TPD52L2: variants seen among roughly 807,000 people sequenced by gnomAD.
The protein encoded by TPD52L2 is TPD52 like 2, also known as tumor protein D54.
In TPD52L2, 19 loss-of-function variants were observed where a neutral mutation model predicts 24.7. The ratio of observed to expected loss-of-function variants is 0.77; its 90% CI spans 0.54 to 1.13. The LOEUF is 1.13. Among genes scored for constraint, TPD52L2 ranks in the 50% most tolerant of loss-of-function variants. The pLI, the probability that TPD52L2 is intolerant of heterozygous loss-of-function variation, is 0.00. For synonymous variants in TPD52L2, 104 were observed against 100.2 expected (o/e 1.04, Z -0.23); for missense variants, 236 against 250.4 (o/e 0.94, Z 0.39).
intron 5 of TPD52L2, among the ~76,000 whole-genome samples, chr20:63,886,327 G>A (rs2053098402): frequency 6.6e-6 from 1 of 151,790 alleles, no homozygotes; most frequent in African/African-American, 2.4e-5. Flanking sequence ...TGAATAACTG[G>A]CCTGGCGTCC....
intron 4 of TPD52L2, among the ~76,000 whole-genome samples, chr20:63,882,306 C>T (rs1013029233): frequency 2.0e-5 from 3 of 152,270 alleles, no homozygotes; most frequent in Non-Finnish European, 2.9e-5. Flanking sequence ...GCCTGCCAGG[C>T]GTGCACCTCA....
At chr20:63,888,995 T>C in intron 5 of TPD52L2, 195 bp from the exon 6 acceptor site, 1 of 619,992 alleles carries the variant, frequency 1.6e-6, no homozygotes, top group Non-Finnish European at 2.9e-6. Flanking sequence ...CCTGTGGTTG[T>C]TGGGCATGGC....
rs1284991067 is a variant in TPD52L2 at position 63,877,171 on chromosome 20, G to A, written c.374+1296G>A. ...CTCCCCAGTAGCTGGGACTACAGGC[G>A]CCCGCCACCACGCCCGGCTAATTTT... On this transcript the variant is annotated intron_variant, in intron 4 of 6. Coordinates refer to ENST00000346249, the MANE Select transcript of TPD52L2 (RefSeq NM_003288.4). The surrounding 1 kb of genome is among the most constrained non-coding windows in gnomAD (Gnocchi z 4.1). 1 of 350,014 alleles carries A rather than the reference G, an allele frequency of 2.9e-6. No individual in the cohort carries two copies. Among genetic ancestry groups the A allele is most frequent in the Admixed American group, 4.0e-5 (1 of 25,036 alleles). 21.7% of individuals were successfully genotyped at this position (350,014 alleles called of 1,614,324 possible).
At chr20:63,886,060 C>T (rs1481816415) in intron 5 of TPD52L2, 11 of 1,613,796 alleles carry the variant, frequency 6.8e-6, no homozygotes, top group Non-Finnish European at 9.3e-6. Flanking sequence ...TGAGCCTGGA[C>T]ACACCTGTGG....
chr20:63,872,042 CTTTTTTTTTTTT>C (rs34989051), intron 2 of TPD52L2, among the ~76,000 whole-genome samples: 2 of 106,928 alleles, frequency 1.9e-5, no homozygotes, highest in East Asian at 2.5e-4. Context: ...AGGTCATGTT[CTTTTTTTTTTTT>C]TTTTTTTTTA....
Position 63,891,192 on chromosome 20 carries a change from T to G in TPD52L2, c.*1247T>G, listed in dbSNP as rs1375343250. 1 of 152,836 alleles carries G rather than the reference T, an allele frequency of 6.5e-6. No homozygotes were observed. Among genetic ancestry groups the G allele is most frequent in the Non-Finnish European group, 1.5e-5 (1 of 68,098 alleles). 9.5% of individuals were successfully genotyped at this position (152,836 alleles called of 1,614,324 possible). On this transcript the variant is annotated 3_prime_UTR_variant, in exon 7 of 7. Coordinates refer to ENST00000346249, the MANE Select transcript of TPD52L2 (RefSeq NM_003288.4). The surrounding 1 kb of genome is among the most constrained non-coding windows in gnomAD (Gnocchi z 4.7). ...TGGTCTGCAGGGGGAGCTCTGTGCC[T>G]TAGTGGCTCTTGGCAGGACACTGAG...
intron 1 of TPD52L2, among the ~76,000 whole-genome samples, chr20:63,868,778 T>G (rs1371495289): frequency 1.3e-5 from 2 of 152,338 alleles, no homozygotes; most frequent in East Asian, 3.9e-4. Context: ...ACCCCGTCTC[T>G]ACTGAAAATA....
Position 63,882,725 on chromosome 20 carries a change from G to T in TPD52L2, c.381G>T (p.Lys127Asn), listed in dbSNP as rs1477855484. 6.2e-7 allele frequency: 1 copy of T among 1,613,990 alleles called. No individual in the cohort carries two copies. ...NEKVTQSDLYKKTQETLSQAG... is the reference protein window; with the variant it reads ...NEKVTQSDLYNKTQETLSQAG... ...TAACTGGTGTGTCTTCCAGCTACAA[G>T]AAGACTCAGGAAACTCTTTCACAGG... Residue 127 changes from lysine (K) to asparagine (N), a missense_variant, in exon 5 of 7, where the codon AAG becomes AAT. Coordinates refer to ENST00000346249, the MANE Select transcript of TPD52L2 (RefSeq NM_003288.4).
chr20:63,886,507 G>A lies in TPD52L2; in HGVS notation c.477-2683G>A, dbSNP rs549807632. ...TCTCCGAGTAGCTGGGACTACAGGC[G>A]CCCGCCGCCACGCCCGGCTAATTTT... On this transcript the variant is annotated intron_variant, in intron 5 of 6. Transcript: ENST00000346249. Among the ~76,000 whole-genome samples the A allele has an allele frequency of 3.3e-4, 50 of 151,730 alleles. 1 individual carries two copies. Among genetic ancestry groups the A allele is most frequent in the East Asian group, 2.3e-3 (12 of 5,134 alleles).
intron 4 of TPD52L2, among the ~76,000 whole-genome samples, chr20:63,878,085 A>G (rs2052759435): frequency 6.6e-6 from 1 of 152,238 alleles, no homozygotes; most frequent in South Asian, 2.1e-4. Flanking sequence ...TCTCCTAGTC[A>G]GCTTCAGGAG....
At chr20:63,870,700 G>A (rs2052429558) in intron 2 of TPD52L2, among the ~76,000 whole-genome samples, 2 of 143,574 alleles carry the variant, frequency 1.4e-5, no homozygotes, top group African/African-American at 5.2e-5. Flanking sequence ...ATTTTTTTGT[G>A]TTTTTAGTCG....
chr20:63,889,630 C>T (rs1299966414), intron 6 of TPD52L2, among the ~76,000 whole-genome samples: 1 of 152,182 alleles, frequency 6.6e-6, no homozygotes, highest in Non-Finnish European at 1.5e-5. Context: ...GTAAATGGAA[C>T]GATACAGTGT....
chr20:63,867,768 TTTTTTC>T (rs1003672387), intron 1 of TPD52L2, among the ~76,000 whole-genome samples: 134 of 151,586 alleles, frequency 8.8e-4, no homozygotes, highest in African/African-American at 3.1e-3. Flanking sequence ...GGCATAGTTT[TTTTTTC>T]TTTTTCTTTT....
At chr20:63,875,744 C>A in intron 3 of TPD52L2, 72 bp from the exon 4 acceptor site, 1 of 1,509,446 alleles carries the variant, frequency 6.6e-7, no homozygotes, top group Non-Finnish European at 9.2e-7. Flanking sequence ...TTCCCTGGAA[C>A]TTCACCTGCA....
intron 5 of TPD52L2, among the ~76,000 whole-genome samples, chr20:63,886,455 G>A (rs552117647): frequency 1.3e-5 from 2 of 151,384 alleles, no homozygotes; most frequent in Admixed American, 6.6e-5. Flanking sequence ...CCGCCTCCCG[G>A]GTTCACGCCA....
At chr20:63,887,902 G>T in intron 5 of TPD52L2, 1 of 501,106 alleles carries the variant, frequency 2.0e-6, no homozygotes. Context: ...GGTGGGGTTC[G>T]AGGGGCTCGC....
rs2052167063 is a variant in TPD52L2 at position 63,865,316 on chromosome 20, C to G, written c.-50C>G. The G allele has an allele frequency of 6.7e-7, 1 of 1,501,478 alleles. No homozygotes were observed. Among genetic ancestry groups the G allele is most frequent in the African/African-American group, 1.4e-5 (1 of 69,996 alleles). The allele number at this position is 1,501,478 out of a possible 1,614,324, so 93.0% of individuals were successfully genotyped here. A position where few individuals can be genotyped will look rare whatever the true frequency, so the allele number is the denominator to read the frequency against. On this transcript the variant is annotated 5_prime_UTR_variant, in exon 1 of 7. Transcript: ENST00000346249. ...CGCGGCGAGCTTCTCCCGGCGCCGC[C>G]CGCTCGGCTCCCATAGCGCCCGCGA...
chr20:63,889,006 C>T (rs1434705500), intron 5 of TPD52L2, 184 bp from the exon 6 acceptor site: 1 of 631,018 alleles, frequency 1.6e-6, no homozygotes, highest in South Asian at 1.8e-5. Flanking sequence ...TGGGCATGGC[C>T]GACCTCACTT....
rs6010688 is a variant in TPD52L2 at position 63,886,266 on chromosome 20, C to T, written c.477-2924C>T. On this transcript the variant is annotated intron_variant, in intron 5 of 6. Transcript: ENST00000346249. Reference sequence around the variant, plus strand: ...CCGGAACCCCCCGGCCCTTCTGTGTCCCCTCCTCGTGCTTCCCTTCAGGCT... The same window carrying T: ...CCGGAACCCCCCGGCCCTTCTGTGTTCCCTCCTCGTGCTTCCCTTCAGGCT... Among the ~76,000 whole-genome samples, 951 of 152,258 alleles carry T rather than the reference C, an allele frequency of 6.2e-3. 8 individuals carry two copies. Among genetic ancestry groups the T allele is most frequent in the African/African-American group, 0.02 (832 of 41,550 alleles).
Sources: allele counts gnomAD v4.1 joint callset (sites outside exome capture counted in the v4.1 genomes callset), GRCh38; gene constraint gnomAD v4.1.1; non-coding constraint Gnocchi (gnomAD v3.1); transcripts MANE v1.5; gene names NCBI Gene and HGNC (gene_info 2026-07-23, HGNC 2026-07-21).